Variants in PLEKHH2 observed in about 807,000 individuals in gnomAD.
PLEKHH2 encodes the protein pleckstrin homology, MyTH4 and FERM domain containing H2.
A neutral mutation model predicts 187.9 loss-of-function variants in PLEKHH2; 129 were observed. The ratio of observed to expected loss-of-function variants is 0.69; its 90% CI spans 0.59 to 0.79. The LOEUF is 0.79. PLEKHH2 is among the 30% of genes least tolerant of loss of function. PLEKHH2 has a pLI of 0.00. For missense variants in PLEKHH2, 2,076 were observed against 1,751.2 expected, an observed-to-expected ratio of 1.19 and a Z score of -3.31; for synonymous variants, 686 against 605.6, an observed-to-expected ratio of 1.13 and a Z score of -1.95.
At chr2:43,671,862 G>C (rs1490220470) in intron 2 of PLEKHH2, among the ~76,000 whole-genome samples, 1 of 152,104 alleles carries the variant, frequency 6.6e-6, no homozygotes, top group Non-Finnish European at 1.5e-5. Flanking sequence ...CTGATATTTT[G>C]TTAAAGATTT....
intron 15 of PLEKHH2, among the ~76,000 whole-genome samples, chr2:43,712,725 A>G (rs967642055): frequency 3.3e-5 from 5 of 152,192 alleles, no homozygotes; most frequent in Admixed American, 3.3e-4. Context: ...TAAGCAAACA[A>G]TGAACACCAA....
At chr2:43,676,707 T>C (rs1339194112) in intron 2 of PLEKHH2, among the ~76,000 whole-genome samples, 1 of 152,172 alleles carries the variant, frequency 6.6e-6, no homozygotes, top group African/African-American at 2.4e-5. Flanking sequence ...ACATCCCGTA[T>C]GTTGATTAGC....
At chr2:43,680,264 G>T (rs999004601) in intron 3 of PLEKHH2, among the ~76,000 whole-genome samples, 2 of 152,180 alleles carry the variant, frequency 1.3e-5, no homozygotes, top group African/African-American at 2.4e-5. Flanking sequence ...CATAAAGCTA[G>T]AAGAGAGGAT....
chr2:43,683,276 G>A (rs776770192), intron 3 of PLEKHH2, among the ~76,000 whole-genome samples: 1 of 150,644 alleles, frequency 6.6e-6, no homozygotes. Flanking sequence ...CTCCCGAGTA[G>A]CTGGGATTAC....
rs1486543468 is a variant in PLEKHH2 at position 43,681,427 on chromosome 2, T to G, written c.186+2502T>G. ...TCTTTCCTTTGTTTTATTAATTGAATGAGTTCCTTGTCAAAATAATCTTCT... is the reference window on the plus strand; with the variant it reads ...TCTTTCCTTTGTTTTATTAATTGAAGGAGTTCCTTGTCAAAATAATCTTCT... On this transcript the variant is annotated intron_variant, in intron 3 of 29. Coordinates refer to ENST00000282406, the MANE Select transcript of PLEKHH2 (RefSeq NM_172069.4). 1.2e-5 allele frequency: 19 copies of G among 1,548,118 alleles called. No individual in the cohort carries two copies. In the Middle Eastern group the frequency reaches 8.0e-4, roughly 65 times the overall value.
chr2:43,642,363 T>C (rs1254138139), intron 1 of PLEKHH2, among the ~76,000 whole-genome samples: 1 of 152,194 alleles, frequency 6.6e-6, no homozygotes, highest in African/African-American at 2.4e-5. Context: ...TTAGTATTTT[T>C]TTGTGGATTC....
chr2:43,700,522 T>A lies in PLEKHH2; in HGVS notation c.1564T>A (p.Ser522Thr), dbSNP rs774371877. 2.4e-5 allele frequency: 38 copies of A among 1,613,924 alleles called. No individual in the cohort carries two copies. The highest frequency in any genetic ancestry group is 3.1e-5 in the Non-Finnish European group (36 of 1,180,012). Reference protein sequence around the residue: ...FSYDSLDSPNSDDQEHCDSAK... With the variant: ...FSYDSLDSPNTDDQEHCDSAK... ...CTATGACTCCTTGGACTCTCCAAATTCAGATGACCAGGAACACTGTGACTC... is the reference window on the plus strand; with the variant it reads ...CTATGACTCCTTGGACTCTCCAAATACAGATGACCAGGAACACTGTGACTC... Residue 522 changes from serine to threonine, a missense_variant, in exon 8 of 30, where the codon TCA (serine) becomes ACA (threonine). Coordinates refer to ENST00000282406, the MANE Select transcript of PLEKHH2 (RefSeq NM_172069.4).
intron 3 of PLEKHH2, among the ~76,000 whole-genome samples, chr2:43,685,805 A>C (rs1032803791): frequency 6.6e-6 from 1 of 152,194 alleles, no homozygotes; most frequent in African/African-American, 2.4e-5. Flanking sequence ...AAATCAACCC[A>C]GTTCTACTTA....
In PLEKHH2 at chr2:43,710,279, G is replaced by A. The variant is rs1184143565; in HGVS notation, c.2163G>A (p.Lys721=). Residue 721 remains lysine (K), a synonymous_variant, in exon 13 of 30, where the codon AAG becomes AAA. Coordinates refer to ENST00000282406, the MANE Select transcript of PLEKHH2 (RefSeq NM_172069.4). ...LKMSGKVKSW[K]RRWFVLKGGE... is the part of the protein sequence containing the mutation. ...TGAGTGGTAAAGTCAAGTCTTGGAA[G>A]CGGCGGTGGTTTGTTCTTAAAGGTG... 2 of 1,614,160 alleles carry A rather than the reference G, an allele frequency of 1.2e-6. No individual in the cohort carries two copies. Among genetic ancestry groups the A allele is most frequent in the Admixed American group, 3.3e-5 (2 of 60,018 alleles).
At chr2:43,657,133 G>T (rs541764990) in intron 2 of PLEKHH2, among the ~76,000 whole-genome samples, 2 of 152,320 alleles carry the variant, frequency 1.3e-5, no homozygotes, top group Admixed American at 1.3e-4. Flanking sequence ...GTTTGGCATT[G>T]AATGGGATCA....
Position 43,700,412 on chromosome 2 carries a change from A to G in PLEKHH2, c.1454A>G (p.Gln485Arg), listed in dbSNP as rs771779458. The G allele has an allele frequency of 6.2e-7, 1 of 1,614,192 alleles. No homozygotes were observed. The change falls in exon 8 of 30, where the codon CAG (glutamine) becomes CGG (arginine). Residue 485 changes from glutamine (Q) to arginine (R), a missense_variant. By Grantham distance (43) the Gln-to-Arg change is conservative. Coordinates refer to ENST00000282406, the MANE Select transcript of PLEKHH2 (RefSeq NM_172069.4). ...AGCATGATACGACCACTGAGACCTCAGGAAACTGATCTTGATCTAGTTGAT... is the reference window on the plus strand; with the variant it reads ...AGCATGATACGACCACTGAGACCTCGGGAAACTGATCTTGATCTAGTTGAT... ...AISMIRPLRP[Q>R]ETDLDLVDGD...
chr2:43,647,206 G>A (rs1252243599), intron 2 of PLEKHH2, among the ~76,000 whole-genome samples: 1 of 152,140 alleles, frequency 6.6e-6, no homozygotes, highest in Non-Finnish European at 1.5e-5. Context: ...GGAAACTGTT[G>A]CTTACTATGC....
In PLEKHH2 at chr2:43,725,293, C is replaced by G. The variant is rs79119229; in HGVS notation, c.2542-979C>G. ...TGCCATCTTCTTGCAGCTGTAGGCA[C>G]CCCCTCTAGTCTGCTTTTAGCTTCT... On this transcript the variant is annotated intron_variant, in intron 16 of 29. Coordinates refer to ENST00000282406, the MANE Select transcript of PLEKHH2 (RefSeq NM_172069.4). Among the ~76,000 whole-genome samples, 213 of 152,260 alleles carry G rather than the reference C, an allele frequency of 1.4e-3. 2 individuals carry two copies. In the South Asian group the frequency reaches 0.023, roughly 16 times the overall value.
At chr2:43,681,492 G>T (rs1668182435) in intron 3 of PLEKHH2, 4 of 1,544,892 alleles carry the variant, frequency 2.6e-6, no homozygotes, top group Non-Finnish European at 2.6e-6. Flanking sequence ...TCTTTCCTGG[G>T]CATCAACGTT....
intron 2 of PLEKHH2, among the ~76,000 whole-genome samples, chr2:43,652,181 G>C (rs1574478814): frequency 6.6e-6 from 1 of 152,090 alleles, no homozygotes; most frequent in African/African-American, 2.4e-5. Flanking sequence ...CAATTTTTTA[G>C]CAGGAAGTAA....
chr2:43,685,775 A>G (rs1412910742), intron 3 of PLEKHH2, among the ~76,000 whole-genome samples: 1 of 152,136 alleles, frequency 6.6e-6, no homozygotes, highest in Non-Finnish European at 1.5e-5. Context: ...GTTGTTCACA[A>G]GTTTGGAAGC....
chr2:43,656,062 G>A (rs1005394349), intron 2 of PLEKHH2, among the ~76,000 whole-genome samples: 3 of 151,844 alleles, frequency 2.0e-5, no homozygotes, highest in African/African-American at 7.3e-5. Context: ...GGGTTCAAGT[G>A]ATTCTTATGC....
intron 17 of PLEKHH2, among the ~76,000 whole-genome samples, chr2:43,729,284 A>C (rs566442233): frequency 6.6e-6 from 1 of 152,198 alleles, no homozygotes; most frequent in Admixed American, 6.5e-5. Context: ...AATATTCTGT[A>C]TGTATCACTC....
At chr2:43,749,639 G>T (rs931207636) in intron 24 of PLEKHH2, among the ~76,000 whole-genome samples, 4 of 152,316 alleles carry the variant, frequency 2.6e-5, no homozygotes, top group Admixed American at 2.6e-4. Context: ...TGAAAGGCTT[G>T]ATTTTTAACA....
Sources: allele counts gnomAD v4.1 joint callset (sites outside exome capture counted in the v4.1 genomes callset), GRCh38; gene constraint gnomAD v4.1.1; transcripts MANE v1.5; gene names NCBI Gene and HGNC (gene_info 2026-07-23, HGNC 2026-07-21).